Variants in SLCO3A1 observed in about 807,000 individuals in gnomAD.
SLCO3A1 encodes the protein PGE1 transporter.
SLCO3A1 carries 27 observed loss-of-function variants against 63.1 expected under a neutral mutation model. The observed-to-expected ratio is 0.43, with a 90% confidence interval of 0.32 to 0.59. SLCO3A1 has a LOEUF of 0.59. Among genes scored for constraint, SLCO3A1 ranks in the 20% least tolerant of loss-of-function variants. The pLI is 0.09. For missense variants in SLCO3A1, 773 were observed against 945.8 expected, an observed-to-expected ratio of 0.82 and a Z score of 2.40; for synonymous variants, 473 against 409.9, an observed-to-expected ratio of 1.15 and a Z score of -1.86.
At chr15:91,978,893 T>A (rs1405553287) in intron 2 of SLCO3A1, among the ~76,000 whole-genome samples, 1 of 152,236 alleles carries the variant, frequency 6.6e-6, no homozygotes, top group Admixed American at 6.5e-5. Context: ...ACAGAAAAAG[T>A]TTGCCAACCT....
rs1268061746 is a variant in SLCO3A1, at chr15:91,865,097, C to T, written c.180+11009C>T. Among the ~76,000 whole-genome samples the T allele has an allele frequency of 1.3e-5, 2 of 152,258 alleles. No homozygotes were observed. Among genetic ancestry groups the T allele is most frequent in the South Asian group, 2.1e-4 (1 of 4,838 alleles). The stretch of plus-strand genomic sequence containing the variant: ...AGTGGATAATGGAGCTGAGCGTGGT[C>T]TCTTACAAGCCTTTCAGATCCAATT... On this transcript the variant is annotated intron_variant, in intron 1 of 9. Transcript: ENST00000318445. This position sits in a 1 kb window ranked among gnomAD's most constrained non-coding sequence, Gnocchi z 4.6.
rs143293640 is a variant in SLCO3A1, at chr15:91,916,627, C to T, written c.646+169C>T. ...TGGGGGTGCAACCTGGGCATTGAGA[C>T]GTTTTTAAAAGTTCCCAGGTGATTC... On this transcript the variant is annotated intron_variant, in intron 2 of 9. Coordinates refer to ENST00000318445, the MANE Select transcript of SLCO3A1 (RefSeq NM_013272.4). The surrounding 1 kb of genome is among the most constrained non-coding windows in gnomAD (Gnocchi z 6.2). Among the ~76,000 whole-genome samples the T allele has an allele frequency of 4.3e-3, 648 of 152,274 alleles. 26 individuals are homozygous for T. The highest frequency in any genetic ancestry group is 0.037 in the Admixed American group (566 of 15,308).
chr15:91,939,327 C>T (rs186839622), intron 2 of SLCO3A1, among the ~76,000 whole-genome samples: 46 of 152,294 alleles, frequency 3.0e-4, no homozygotes, highest in Admixed American at 2.7e-3. Flanking sequence ...CTGAACCATT[C>T]ATGAGAAATC....
chr15:91,887,964 T>C (rs570017286), intron 1 of SLCO3A1, among the ~76,000 whole-genome samples: 51 of 152,354 alleles, frequency 3.3e-4, no homozygotes, highest in African/African-American at 1.1e-3. Context: ...ATAATTAGTT[T>C]TCTCAGGCAG....
chr15:92,162,709 C>T (rs1401723662), intron 9 of SLCO3A1, 47 bp from the exon 10 acceptor site: 1 of 1,565,598 alleles, frequency 6.4e-7, no homozygotes, highest in African/African-American at 1.4e-5. Flanking sequence ...AACAGGGGAG[C>T]ACTGGCCACC....
rs751255663 is a variant in SLCO3A1 at position 92,146,972 on chromosome 15, C to T, written c.1513-12C>T. On this transcript the variant is annotated splice_polypyrimidine_tract_variant and intron_variant, in intron 7 of 9. Coordinates refer to ENST00000318445, the MANE Select transcript of SLCO3A1 (RefSeq NM_013272.4). ...TACCCCCAGATAAAAGGGCTGAACG[C>T]TTCCCTTTCAGAATCTCACGGGCTG... 34 of 1,600,964 alleles carry T rather than the reference C, an allele frequency of 2.1e-5. No individual in the cohort carries two copies. The Admixed American group carries it at 3.3e-4, about 15-fold the overall frequency.
rs1235562667 is a variant in SLCO3A1 at position 91,912,102 on chromosome 15, C to T, written c.181-3891C>T. Among the ~76,000 whole-genome samples, 1 of 151,940 alleles carries T rather than the reference C, an allele frequency of 6.6e-6. No individual in the cohort carries two copies. The highest frequency in any genetic ancestry group is 6.6e-5 in the Admixed American group (1 of 15,260). ...TTTCCTTTTCCTCTTGCAGTTATGG[C>T]TCCTTCTTCTCTAATTATCAAGACC... On this transcript the variant is annotated intron_variant, in intron 1 of 9. Coordinates refer to ENST00000318445, the MANE Select transcript of SLCO3A1 (RefSeq NM_013272.4). The surrounding 1 kb of genome is among the most constrained non-coding windows in gnomAD (Gnocchi z 5.0).
chr15:92,125,894 G>A (rs2047915829), intron 5 of SLCO3A1, among the ~76,000 whole-genome samples, 167 bp from the exon 6 acceptor site: 1 of 151,782 alleles, frequency 6.6e-6, no homozygotes, highest in South Asian at 2.1e-4. Flanking sequence ...CTCCCTGGGG[G>A]CATAAATCAG....
At chr15:92,019,564 G>A (rs2046481519) in intron 2 of SLCO3A1, among the ~76,000 whole-genome samples, 1 of 152,230 alleles carries the variant, frequency 6.6e-6, no homozygotes, top group Non-Finnish European at 1.5e-5. Context: ...TGTACAGCAG[G>A]AAACTTGAAC....
At chr15:92,050,937 G>C (rs933482226) in intron 2 of SLCO3A1, among the ~76,000 whole-genome samples, 1 of 152,058 alleles carries the variant, frequency 6.6e-6, no homozygotes, top group Admixed American at 6.6e-5. Flanking sequence ...CCCTCCACAG[G>C]TGACACTCAG....
chr15:92,101,864 C>G (rs1567120480), intron 3 of SLCO3A1, among the ~76,000 whole-genome samples: 1 of 152,252 alleles, frequency 6.6e-6, no homozygotes, highest in East Asian at 1.9e-4. Context: ...CCTTCCCCAT[C>G]TTTCAAACTG....
rs536995803 is a variant in SLCO3A1, at chr15:92,150,432, A to G, written c.1689-518A>G. The stretch of plus-strand genomic sequence containing the variant: ...TCAATATTAACCATCACAGTGCTGG[A>G]ACATGCTAAGTGGATTATTTCCCAA... On this transcript the variant is annotated intron_variant, in intron 8 of 9. Transcript: ENST00000318445. Among the ~76,000 whole-genome samples, 93 of 152,246 alleles carry G rather than the reference A, an allele frequency of 6.1e-4. 2 individuals carry two copies. The South Asian group carries it at 0.019, about 31-fold the overall frequency.
At chr15:92,158,588 C>T (rs947035445) in intron 9 of SLCO3A1, among the ~76,000 whole-genome samples, 1 of 152,206 alleles carries the variant, frequency 6.6e-6, no homozygotes, top group Non-Finnish European at 1.5e-5. Context: ...CACAGTCTCC[C>T]ATTTGTCTAT....
At chr15:91,931,831 G>T (rs1336308936) in intron 2 of SLCO3A1, among the ~76,000 whole-genome samples, 3 of 105,806 alleles carry the variant, frequency 2.8e-5, no homozygotes, top group East Asian at 4.7e-4. Flanking sequence ...ACTCACACAG[G>T]AGTAGATGAA....
At position 92,133,617 on chromosome 15, in the gene SLCO3A1, C is replaced by T. The variant is rs777782292; in HGVS notation, c.1512+5128C>T. 5.5e-5 allele frequency among the ~76,000 whole-genome samples: 8 copies of T among 144,962 alleles called. 1 individual carries two copies. The highest frequency in any genetic ancestry group is 9.2e-5 in the Non-Finnish European group (6 of 64,872). On this transcript the variant is annotated intron_variant, in intron 7 of 9. Coordinates refer to ENST00000318445, the MANE Select transcript of SLCO3A1 (RefSeq NM_013272.4). The stretch of plus-strand genomic sequence containing the variant: ...AGGAGCATGAACTTACTGTGAACTG[C>T]GCACGCGAGGGATCTAGGGTGCGTG...
intron 1 of SLCO3A1, among the ~76,000 whole-genome samples, chr15:91,910,891 C>T (rs933403694): frequency 3.3e-5 from 5 of 152,206 alleles, no homozygotes; most frequent in East Asian, 1.9e-4. Flanking sequence ...GCCAAGGCCC[C>T]GCCACCCAGA....
intron 2 of SLCO3A1, among the ~76,000 whole-genome samples, chr15:92,009,330 A>G (rs1022458117): frequency 2.0e-5 from 3 of 152,150 alleles, no homozygotes; most frequent in African/African-American, 4.8e-5. Context: ...AACAGATACA[A>G]AGTGTCCTGG....
intron 2 of SLCO3A1, among the ~76,000 whole-genome samples, chr15:91,979,508 C>T (rs1901252752): frequency 6.6e-6 from 1 of 152,160 alleles, no homozygotes; most frequent in Non-Finnish European, 1.5e-5. Flanking sequence ...TGTTGTCTGG[C>T]AGTTAGCAGA....
chr15:92,128,113 G>C (rs2047947507), intron 6 of SLCO3A1, among the ~76,000 whole-genome samples: 1 of 152,160 alleles, frequency 6.6e-6, no homozygotes, highest in Non-Finnish European at 1.5e-5. Flanking sequence ...CACCACCCAA[G>C]CTGGCATCAT....
Sources: gnomAD v4.1 joint callset for allele counts (sites outside exome capture counted in the v4.1 genomes callset) on GRCh38, gnomAD v4.1.1 for gene constraint, Gnocchi (gnomAD v3.1) non-coding constraint, MANE v1.5 for transcripts, NCBI Gene and HGNC (gene_info 2026-07-23, HGNC 2026-07-21) for gene names.